ABTB3: variants seen among roughly 807,000 people sequenced by gnomAD.
The protein encoded by ABTB3 is ankyrin repeat and BTB domain containing 3, also known as ankyrin repeat- and BTB/POZ domain-containing protein 3.
At chr12:107,322,486 G>A in the ABTB3 span, among the ~76,000 whole-genome samples, 1 of 152,116 alleles carries the variant, frequency 6.6e-6, no homozygotes, top group East Asian at 1.9e-4. Flanking sequence ...TATTTTGTAC[G>A]GAGTCTTTCT....
chr12:107,520,536 G>A, the ABTB3 span: 6 of 1,614,078 alleles, frequency 3.7e-6, no homozygotes, highest in African/African-American at 8.0e-5. Context: ...ACCCACAGCG[G>A]TCAAACAAGC....
At chr12:107,560,506 G>C in the ABTB3 span, among the ~76,000 whole-genome samples, 3 of 152,112 alleles carry the variant, frequency 2.0e-5, no homozygotes, top group Non-Finnish European at 4.4e-5. Flanking sequence ...TAGAGCAACA[G>C]TAATGATCAG....
At chr12:107,627,881 T>C in the ABTB3 span, among the ~76,000 whole-genome samples, 1 of 152,258 alleles carries the variant, frequency 6.6e-6, no homozygotes, top group Non-Finnish European at 1.5e-5. Flanking sequence ...TTTTCTTAAA[T>C]GTGTTTGAAA....
At chr12:107,612,678 C>T in the ABTB3 span, 2 of 1,146,152 alleles carry the variant, frequency 1.7e-6, no homozygotes, top group Non-Finnish European at 2.5e-6. Context: ...GGAGCACAAG[C>T]ATGGCCTCCG....
At chr12:107,630,113 G>A in the ABTB3 span, among the ~76,000 whole-genome samples, 5 of 152,154 alleles carry the variant, frequency 3.3e-5, no homozygotes, top group Non-Finnish European at 7.4e-5. Flanking sequence ...AGGATGCAGC[G>A]GGGAGTTTTC....
At chr12:107,378,878 T>C in the ABTB3 span, among the ~76,000 whole-genome samples, 314 of 152,158 alleles carry the variant, frequency 2.1e-3, 4 homozygotes, top group South Asian at 0.039. Context: ...AAAATAGGAG[T>C]CACTGGGATT....
chr12:107,520,802 G>A, the ABTB3 span, among the ~76,000 whole-genome samples: 42,475 of 152,168 alleles, frequency 0.28, 6,592 homozygotes, highest in African/African-American at 0.39. Flanking sequence ...TGCCAGTGGC[G>A]TGGGGAAGGT....
At chr12:107,442,432 T>C in the ABTB3 span, among the ~76,000 whole-genome samples, 1 of 152,248 alleles carries the variant, frequency 6.6e-6, no homozygotes, top group Non-Finnish European at 1.5e-5. Context: ...TTTTTTCGTT[T>C]GTTTAATTGT....
the ABTB3 span, among the ~76,000 whole-genome samples, chr12:107,480,667 G>C: frequency 1.3e-5 from 2 of 152,160 alleles, no homozygotes; most frequent in African/African-American, 4.8e-5. Context: ...TAGTTACAAG[G>C]GGTCTGAGGA....
the ABTB3 span, among the ~76,000 whole-genome samples, chr12:107,385,558 G>C: frequency 6.6e-6 from 1 of 152,138 alleles, no homozygotes; most frequent in African/African-American, 2.4e-5. Flanking sequence ...CTTCCTGCTG[G>C]CTGGGGTGAG....
the ABTB3 span, among the ~76,000 whole-genome samples, chr12:107,453,413 AT>A: frequency 6.6e-6 from 1 of 152,114 alleles, no homozygotes; most frequent in Non-Finnish European, 1.5e-5. Flanking sequence ...CATAATTGGG[AT>A]TCGTTCCCCT....
the ABTB3 span, among the ~76,000 whole-genome samples, chr12:107,327,432 G>C: frequency 6.6e-6 from 1 of 152,168 alleles, no homozygotes; most frequent in South Asian, 2.1e-4. Flanking sequence ...ATAGTTGTCT[G>C]TTTTTACCTC....
the ABTB3 span, among the ~76,000 whole-genome samples, chr12:107,501,231 T>C: frequency 6.6e-6 from 1 of 152,084 alleles, no homozygotes; most frequent in Non-Finnish European, 1.5e-5. Flanking sequence ...TTCATCAGTA[T>C]TATTATTATC....
the ABTB3 span, among the ~76,000 whole-genome samples, chr12:107,559,591 G>C: frequency 2.0e-5 from 3 of 152,216 alleles, no homozygotes; most frequent in Admixed American, 1.3e-4. Flanking sequence ...CAGAAATAGT[G>C]ATATTGACAG....
the ABTB3 span, among the ~76,000 whole-genome samples, chr12:107,634,678 G>A: frequency 5.4e-4 from 82 of 152,276 alleles, no homozygotes; most frequent in Admixed American, 4.5e-3. Context: ...ACAAGCAGGC[G>A]CGTGTGTCCC....
chr12:107,485,830 A>G, the ABTB3 span, among the ~76,000 whole-genome samples: 12 of 152,214 alleles, frequency 7.9e-5, no homozygotes, highest in African/African-American at 2.9e-4. Flanking sequence ...ATGACTTCAT[A>G]TATCTATTTT....
chr12:107,358,757 G>A, the ABTB3 span, among the ~76,000 whole-genome samples: 1 of 152,160 alleles, frequency 6.6e-6, no homozygotes, highest in Admixed American at 6.5e-5. Flanking sequence ...ACCACACACA[G>A]CTAAGTTTTG....
the ABTB3 span, among the ~76,000 whole-genome samples, chr12:107,470,018 C>CTCTCTTTCTTTCTT: frequency 1.7e-5 from 2 of 115,564 alleles, no homozygotes; most frequent in African/African-American, 3.3e-5. Flanking sequence ...CTTTCTCTCT[C>CTCTCTTTCTTTCTT]TCTCTCTCTC....
At chr12:107,339,605 T>C in the ABTB3 span, among the ~76,000 whole-genome samples, 1 of 152,172 alleles carries the variant, frequency 6.6e-6, no homozygotes, top group Non-Finnish European at 1.5e-5. Context: ...TGTGTTTTCA[T>C]TTGGGTTAAG....
Sources: gnomAD v4.1 joint callset for allele counts (sites outside exome capture counted in the v4.1 genomes callset) on GRCh38, gnomAD v4.1.1 for gene constraint, MANE v1.5 for transcripts, NCBI Gene and HGNC (gene_info 2026-07-23, HGNC 2026-07-21) for gene names.